RAB11FIP3: variants seen among roughly 807,000 people sequenced by gnomAD.
RAB11FIP3 encodes the protein rab11 family-interacting protein 3.
Under a neutral mutation model 77.8 loss-of-function variants are expected in RAB11FIP3, and 17 were observed. The ratio of observed to expected loss-of-function variants is 0.22; its 90% CI spans 0.15 to 0.33. RAB11FIP3 has a LOEUF of 0.33. Ranked by LOEUF, RAB11FIP3 falls within the 10% of genes least tolerant of loss-of-function variation. RAB11FIP3 has a pLI of 1.00. For synonymous variants in RAB11FIP3, 437 were observed against 448.2 expected (o/e 0.98, Z 0.31); for missense variants, 1,005 against 1,011.2 (o/e 0.99, Z 0.08).
At position 519,017 on chromosome 16, in the gene RAB11FIP3, TGGA is replaced by T. The variant is rs1300679831; in HGVS notation, c.1721_1722+1del. 3.7e-6 allele frequency: 6 copies of T among 1,613,150 alleles called. No individual in the cohort carries two copies. The African/African-American group carries it at 8.0e-5, about 22-fold the overall frequency. On this transcript the variant is annotated inframe_deletion, in exon 10 of 14. Coordinates refer to ENST00000262305, the MANE Select transcript of RAB11FIP3 (RefSeq NM_014700.4). ...TGTCTGAAGGCCAACATTGAGCGTC[TGGA>T]GGAGGTGAGCTGCCAACAGCCTGGA...
chr16:510,945 TAGG>T (rs1319895444), intron 9 of RAB11FIP3, 145 bp downstream of exon 9: 3 of 1,041,028 alleles, frequency 2.9e-6, no homozygotes, highest in Non-Finnish European at 3.9e-6. Context: ...GCAGGCCAGG[TAGG>T]AGAAGTTCCC....
At chr16:441,672 A>G (rs1435132166) in intron 1 of RAB11FIP3, among the ~76,000 whole-genome samples, 1 of 152,174 alleles carries the variant, frequency 6.6e-6, no homozygotes, top group African/African-American at 2.4e-5. Flanking sequence ...CCTCTGCCCC[A>G]TGCTGCTCCT....
chr16:426,614 A>T lies in RAB11FIP3; in HGVS notation c.608A>T (p.Asp203Val). ...LPSEPVGSQE[D>V]GPRLRAVFDA... ...AGCGAGCCCGTGGGGAGTCAGGAGGACGGCCCCCGCCTCCGAGCCGTGTTC... is the reference window on the plus strand; with the variant it reads ...AGCGAGCCCGTGGGGAGTCAGGAGGTCGGCCCCCGCCTCCGAGCCGTGTTC... The change falls in exon 1 of 14, where the codon GAC becomes GTC. Residue 203 changes from aspartate to valine, a missense_variant. Physicochemically the swap from Asp to Val is radical, Grantham distance 152 (BLOSUM62 -3). Transcript: ENST00000262305. This position sits in a 1 kb window ranked among gnomAD's most constrained non-coding sequence, Gnocchi z 5.0. The T allele has an allele frequency of 6.3e-7, 1 of 1,593,990 alleles. No homozygotes were observed. Among genetic ancestry groups the T allele is most frequent in the Non-Finnish European group, 8.5e-7 (1 of 1,171,246 alleles).
chr16:445,347 G>A lies in RAB11FIP3; in HGVS notation c.715-16057G>A, dbSNP rs374236025. Among the ~76,000 whole-genome samples the A allele has an allele frequency of 1.5e-4, 22 of 151,222 alleles. No individual in the cohort carries two copies. The South Asian group carries it at 3.5e-3, about 24-fold the overall frequency. ...TCAGCTACTTGGGAGGCTGAGGCACGAGAATCGCTTGAACCCAGGAGGCGG... is the reference window on the plus strand; with the variant it reads ...TCAGCTACTTGGGAGGCTGAGGCACAAGAATCGCTTGAACCCAGGAGGCGG... On this transcript the variant is annotated intron_variant, in intron 1 of 13. Coordinates refer to ENST00000262305, the MANE Select transcript of RAB11FIP3 (RefSeq NM_014700.4).
At position 492,383 on chromosome 16, in the gene RAB11FIP3, C is replaced by CCAGAGCCCTCCCGGGAGACCCGAGGCCGT. The variant is rs2030421162; in HGVS notation, c.1265+3384_1265+3385insAGAGCCCTCCCGGGAGACCCGAGGCCGTC. Among the ~76,000 whole-genome samples, 7 of 100,186 alleles carry CCAGAGCCCTCCCGGGAGACCCGAGGCCGT rather than the reference C, an allele frequency of 7.0e-5. 1 individual carries two copies. The highest frequency in any genetic ancestry group is 5.1e-4 in the African/African-American group (7 of 13,740). The allele number at this position is 100,186 out of a possible 152,430, so 65.7% of individuals were successfully genotyped here. On this transcript the variant is annotated intron_variant, in intron 5 of 13. Coordinates refer to ENST00000262305, the MANE Select transcript of RAB11FIP3 (RefSeq NM_014700.4). ...GGTCTTCCCGGGAGACCCGAGGCCGCCCAGAGCCCTCCCCGGGAGACCCGA... is the reference window on the plus strand; with the variant it reads ...GGTCTTCCCGGGAGACCCGAGGCCGCCAGAGCCCTCCCGGGAGACCCGAGGCCGTCCAGAGCCCTCCCCGGGAGACCCGA...
At chr16:464,246 A>G (rs1164009457) in intron 2 of RAB11FIP3, among the ~76,000 whole-genome samples, 1 of 152,206 alleles carries the variant, frequency 6.6e-6, no homozygotes, top group Admixed American at 6.5e-5. Context: ...GAGCACCAGC[A>G]GGTTGAGGCT....
Position 505,072 on chromosome 16 carries a change from C to G in RAB11FIP3, c.1396-452C>G, listed in dbSNP as rs1393450147. 2.0e-5 allele frequency among the ~76,000 whole-genome samples: 3 copies of G among 150,556 alleles called. No homozygotes were observed. Among genetic ancestry groups the G allele is most frequent in the Non-Finnish European group, 4.4e-5 (3 of 67,782 alleles). Reference sequence around the variant, plus strand: ...CTCCTCTGCTCCCTTCACTCCTTCTCCTACCTCCGCAGGTGTCTGATTCTC... The same window carrying G: ...CTCCTCTGCTCCCTTCACTCCTTCTGCTACCTCCGCAGGTGTCTGATTCTC... On this transcript the variant is annotated intron_variant, in intron 7 of 13. Transcript: ENST00000262305. This position sits in a 1 kb window ranked among gnomAD's most constrained non-coding sequence, Gnocchi z 4.0.
chr16:518,561 C>A (rs2032523986), intron 9 of RAB11FIP3, among the ~76,000 whole-genome samples: 1 of 149,948 alleles, frequency 6.7e-6, no homozygotes, highest in Non-Finnish European at 1.5e-5. Context: ...CCCCTCTCTA[C>A]TGAAATTACA....
chr16:438,423 T>TTTTTTTTTTTA (rs2055167247), intron 1 of RAB11FIP3, among the ~76,000 whole-genome samples: 1 of 149,232 alleles, frequency 6.7e-6, no homozygotes, highest in African/African-American at 2.5e-5. Flanking sequence ...TTTTTTTTTT[T>TTTTTTTTTTTA]GAGACAGAGT....
chr16:452,316 T>C (rs1026963607), intron 1 of RAB11FIP3: 2 of 151,832 alleles, frequency 1.3e-5, no homozygotes, highest in African/African-American at 4.8e-5. Context: ...GCCTGGGTGA[T>C]AGAGTGAGAC....
rs1382314556 is a variant in RAB11FIP3, at chr16:505,993, T to G, written c.1499+366T>G. Reference sequence around the variant, plus strand: ...AGGTGCAGCTCTCCCACCACTCTGGTCCATACGGGGTTTGCCCGTCCTGGA... The same window carrying G: ...AGGTGCAGCTCTCCCACCACTCTGGGCCATACGGGGTTTGCCCGTCCTGGA... On this transcript the variant is annotated intron_variant, in intron 8 of 13. Coordinates refer to ENST00000262305, the MANE Select transcript of RAB11FIP3 (RefSeq NM_014700.4). The surrounding 1 kb of genome is among the most constrained non-coding windows in gnomAD (Gnocchi z 4.0). Among the ~76,000 whole-genome samples the G allele has an allele frequency of 6.6e-6, 1 of 152,146 alleles. No homozygotes were observed. The highest frequency in any genetic ancestry group is 1.5e-5 in the Non-Finnish European group (1 of 68,022).
rs929921064 is a variant in RAB11FIP3, at chr16:507,727, G to A, written c.1499+2100G>A. ...GTTCCCTGTGGTGCTCACCTCCAAC[G>A]TCCTAAACAACACGTTTCCCGTTTT... is the stretch of plus-strand genomic sequence containing the variant. On this transcript the variant is annotated intron_variant, in intron 8 of 13. Transcript: ENST00000262305. The surrounding 1 kb of genome is among the most constrained non-coding windows in gnomAD (Gnocchi z 4.6). Among the ~76,000 whole-genome samples, 5 of 152,186 alleles carry A rather than the reference G, an allele frequency of 3.3e-5. No individual in the cohort carries two copies. The highest frequency in any genetic ancestry group is 1.2e-4 in the African/African-American group (5 of 41,438).
At chr16:436,829 A>C (rs974102806) in intron 1 of RAB11FIP3, among the ~76,000 whole-genome samples, 4 of 152,144 alleles carry the variant, frequency 2.6e-5, no homozygotes, top group Admixed American at 2.6e-4. Context: ...CCCTGGCCTC[A>C]AGCAGTCCTC....
Position 520,816 on chromosome 16 carries a change from C to T in RAB11FIP3, c.2248C>T (p.Pro750Ser), listed in dbSNP as rs1231946764. ...CATCGTGGCCATCATGGAGACCAAC[C>T]CGTCCATCCTGGAGGTCAAGTAGAG... ...RIIVAIMETNPSILEVK is the reference protein window; with the variant it reads ...RIIVAIMETNSSILEVK The change falls in exon 14 of 14, where the codon CCG (proline) becomes TCG (serine). Residue 750 changes from proline (P) to serine (S), a missense_variant. Transcript: ENST00000262305. 1 of 1,613,688 alleles carries T rather than the reference C, an allele frequency of 6.2e-7. No homozygotes were observed. The highest frequency in any genetic ancestry group is 8.5e-7 in the Non-Finnish European group (1 of 1,179,978).
Position 478,331 on chromosome 16 carries a change from T to C in RAB11FIP3, c.904-4194T>C, listed in dbSNP as rs2055963865. On this transcript the variant is annotated intron_variant, in intron 3 of 13. Coordinates refer to ENST00000262305, the MANE Select transcript of RAB11FIP3 (RefSeq NM_014700.4). Reference sequence around the variant, plus strand: ...TCTCAGCCCCCCGAGTAGCTGGGACTGCAGGCACGTGCCACCACGCCTGGC... The same window carrying C: ...TCTCAGCCCCCCGAGTAGCTGGGACCGCAGGCACGTGCCACCACGCCTGGC... 3.3e-5 allele frequency among the ~76,000 whole-genome samples: 5 copies of C among 152,094 alleles called. No homozygotes were observed. In the South Asian group the frequency reaches 1.0e-3, roughly 32 times the overall value.
At chr16:435,543 T>C (rs1304572667) in intron 1 of RAB11FIP3, among the ~76,000 whole-genome samples, 1 of 152,206 alleles carries the variant, frequency 6.6e-6, no homozygotes, top group African/African-American at 2.4e-5. Flanking sequence ...CCAGGTAGAA[T>C]TGAAAGAAGT....
At chr16:462,111 C>T (rs886337616) in intron 2 of RAB11FIP3, among the ~76,000 whole-genome samples, 1 of 152,228 alleles carries the variant, frequency 6.6e-6, no homozygotes, top group African/African-American at 2.4e-5. Flanking sequence ...GAGCCTGTCA[C>T]GCACATCACT....
chr16:474,752 T>A, intron 3 of RAB11FIP3: 1 of 1,288,122 alleles, frequency 7.8e-7, no homozygotes, highest in Non-Finnish European at 1.0e-6. Flanking sequence ...CAAAAGCCAC[T>A]CTGTTTTCAG....
In RAB11FIP3 at chr16:490,193, T is replaced by C. The variant is rs371328455; in HGVS notation, c.1265+1193T>C. 7.5e-4 allele frequency among the ~76,000 whole-genome samples: 114 copies of C among 152,382 alleles called. 2 individuals carry two copies. The South Asian group carries it at 0.022, about 30-fold the overall frequency. ...ACCTTTCTTTACTTGAGCTTCCAAA[T>C]GGTTTCCCACAGCATGTGGGTCCCA... On this transcript the variant is annotated intron_variant, in intron 5 of 13. Transcript: ENST00000262305.
Sources: allele counts gnomAD v4.1 joint callset (sites outside exome capture counted in the v4.1 genomes callset), GRCh38; gene constraint gnomAD v4.1.1; non-coding constraint Gnocchi (gnomAD v3.1); transcripts MANE v1.5; gene names NCBI Gene and HGNC (gene_info 2026-07-23, HGNC 2026-07-21).